The following DDX50 variants were observed in gnomAD, a reference collection of about 807,000 sequenced individuals.
The protein encoded by DDX50 is DExD-box helicase 50.
A neutral mutation model predicts 94.8 loss-of-function variants in DDX50; 56 were observed. The observed-to-expected ratio is 0.59, with a 90% confidence interval of 0.48 to 0.74. The LOEUF (loss-of-function observed/expected upper bound fraction) is 0.74. Ranked by LOEUF, DDX50 falls within the 30% of genes least tolerant of loss-of-function variation. The probability of loss-of-function intolerance (pLI) is 0.00; values close to 1 mark genes in which losing one functional copy is unlikely to be tolerated. For missense variants in DDX50, 713 were observed against 881.2 expected, an observed-to-expected ratio of 0.81 and a Z score of 2.42; for synonymous variants, 264 against 295.4, an observed-to-expected ratio of 0.89 and a Z score of 1.09.
At chr10:68,929,725 C>CTTTTTTT (rs35522934) in intron 8 of DDX50, among the ~76,000 whole-genome samples, 1 of 127,268 alleles carries the variant, frequency 7.9e-6, no homozygotes. Context: ...CGCCTGGCCT[C>CTTTTTTT]TTTTTTTTTT....
intron 8 of DDX50, among the ~76,000 whole-genome samples, chr10:68,929,288 CCTTCCTCTCTCTCTCT>C (rs1399503822): frequency 5.1e-5 from 4 of 78,588 alleles, no homozygotes; most frequent in African/African-American, 1.7e-4. Flanking sequence ...TTCCTTCCTT[CCTTCCTCTCTCTCTCT>C]CTCTCTCTCT....
At chr10:68,930,973 C>T (rs1433732465) in intron 8 of DDX50, among the ~76,000 whole-genome samples, 1 of 152,038 alleles carries the variant, frequency 6.6e-6, no homozygotes, top group Non-Finnish European at 1.5e-5. Context: ...TGTAGTCTAC[C>T]TTGCCTAGCA....
At chr10:68,921,495 T>G (rs1310432835) in intron 8 of DDX50, among the ~76,000 whole-genome samples, 1 of 135,704 alleles carries the variant, frequency 7.4e-6, no homozygotes, top group Non-Finnish European at 1.5e-5. Context: ...TATTCAGGTT[T>G]GTTTGTTTGT....
In DDX50 at chr10:68,907,030, A is replaced by G. The variant is rs367757202; in HGVS notation, c.384+23A>G. 1.0e-5 allele frequency: 16 copies of G among 1,564,178 alleles called. No homozygotes were observed. The African/African-American group carries it at 1.3e-4, about 12-fold the overall frequency. On this transcript the variant is annotated intron_variant, in intron 2 of 14. Transcript: ENST00000373585. Reference sequence around the variant, plus strand: ...GAGGTATGGAAGCTTTTTATTTTGCATTTGACATTGTTGTTGAACTATAGG... The same window carrying G: ...GAGGTATGGAAGCTTTTTATTTTGCGTTTGACATTGTTGTTGAACTATAGG...
chr10:68,936,921 A>C lies in DDX50; in HGVS notation c.1596-15A>C. 6.4e-7 allele frequency: 1 copy of C among 1,574,134 alleles called. No individual in the cohort carries two copies. Among genetic ancestry groups the C allele is most frequent in the African/African-American group, 1.4e-5 (1 of 73,218 alleles). ...TCCCTATGTCTTGACCAAGAATACT[A>C]TTTTTAAACCATAGGTCTCTGGCTT... On this transcript the variant is annotated splice_polypyrimidine_tract_variant and intron_variant, in intron 11 of 14. Transcript: ENST00000373585.
chr10:68,918,755 C>T (rs990548341), intron 7 of DDX50, among the ~76,000 whole-genome samples: 1 of 152,160 alleles, frequency 6.6e-6, no homozygotes, highest in Admixed American at 6.5e-5. Flanking sequence ...TATCCGCTGT[C>T]AACCACTAGT....
chr10:68,940,912 TG>T (rs1441076783), intron 12 of DDX50, 147 bp from the exon 13 acceptor site: 1 of 842,922 alleles, frequency 1.2e-6, no homozygotes, highest in Non-Finnish European at 1.8e-6. Context: ...CTTCTAATAA[TG>T]TAGTTTCAAA....
intron 4 of DDX50, among the ~76,000 whole-genome samples, chr10:68,912,381 A>AT: frequency 6.6e-6 from 1 of 152,022 alleles, no homozygotes; most frequent in South Asian, 2.1e-4. Flanking sequence ...CACTTGGCTA[A>AT]TTTTTTATTT....
chr10:68,926,721 CTAAA>C (rs1264004833), intron 8 of DDX50, among the ~76,000 whole-genome samples: 1 of 151,354 alleles, frequency 6.6e-6, no homozygotes, highest in African/African-American at 2.4e-5. Flanking sequence ...AACCCACTCT[CTAAA>C]TGAATGAATG....
rs201101731 is a variant in DDX50, at chr10:68,932,370, C to T, written c.1240-1829C>T. On this transcript the variant is annotated intron_variant, in intron 8 of 14. Transcript: ENST00000373585. ...TACCTCCTGGGTTCAAATGATTCTC[C>T]TGCCTTAACCTCTCGAGTAGCTGGG... is the stretch of plus-strand genomic sequence containing the variant. 2.4e-4 allele frequency among the ~76,000 whole-genome samples: 37 copies of T among 152,330 alleles called. No homozygotes were observed. In the East Asian group the frequency reaches 7.0e-3, roughly 29 times the overall value.
Position 68,936,937 on chromosome 10 carries a change from T to A in DDX50, c.1597T>A (p.Ser533Thr). ...VKSKSMDAIR[S>T]LASVSYAAVD... ...AAGAATACTATTTTTAAACCATAGG[T>A]CTCTGGCTTCCGTTTCTTACGCTGC... The change falls in exon 12 of 15, where the codon TCT becomes ACT. Residue 533 changes from serine to threonine, a missense_variant and splice_region_variant. Ser to Thr is a moderately conservative substitution (Grantham distance 58, BLOSUM62 1). Transcript: ENST00000373585. 1 of 1,601,466 alleles carries A rather than the reference T, an allele frequency of 6.2e-7. No individual in the cohort carries two copies. The highest frequency in any genetic ancestry group is 2.2e-5 in the East Asian group (1 of 44,626).
chr10:68,901,588 C>T, intron 1 of DDX50, 117 bp downstream of exon 1: 1 of 1,096,640 alleles, frequency 9.1e-7, no homozygotes, highest in South Asian at 1.7e-5. Flanking sequence ...GAGGGCCTCC[C>T]TTCGCGCCGC....
intron 12 of DDX50, among the ~76,000 whole-genome samples, chr10:68,937,717 C>T (rs1178154995): frequency 6.6e-6 from 1 of 151,562 alleles, no homozygotes; most frequent in African/African-American, 2.4e-5. Flanking sequence ...TCCTGAGTAG[C>T]TGGGACTACA....
At chr10:68,905,989 A>G (rs187128913) in intron 1 of DDX50, among the ~76,000 whole-genome samples, 1 of 152,194 alleles carries the variant, frequency 6.6e-6, no homozygotes, top group Non-Finnish European at 1.5e-5. Flanking sequence ...CCTTGGAACT[A>G]GTTGTATTTT....
chr10:68,937,943 A>G (rs1007032337), intron 12 of DDX50, among the ~76,000 whole-genome samples: 1 of 152,188 alleles, frequency 6.6e-6, no homozygotes, highest in Non-Finnish European at 1.5e-5. Flanking sequence ...ATCATCCCTA[A>G]ATATTTCAAC....
At chr10:68,921,779 C>T (rs73268353) in intron 8 of DDX50, among the ~76,000 whole-genome samples, 9,086 of 152,152 alleles carry the variant, frequency 0.06, 883 homozygotes, top group African/African-American at 0.2. Flanking sequence ...TTCACATTTT[C>T]TTTCCTTCAT....
chr10:68,938,744 C>T (rs1046497656), intron 12 of DDX50, among the ~76,000 whole-genome samples: 48 of 152,242 alleles, frequency 3.2e-4, no homozygotes, highest in African/African-American at 1.1e-3. Flanking sequence ...GGCTCCATTC[C>T]GTTTATCCAT....
At position 68,937,504 on chromosome 10, in the gene DDX50, G is replaced by A. The variant is rs112412485; in HGVS notation, c.1755+409G>A. Reference sequence around the variant, plus strand: ...TAGGTATCAGATCAGGATCATTAGCGTATCCATCGTCTAAACATTTATCAT... The same window carrying A: ...TAGGTATCAGATCAGGATCATTAGCATATCCATCGTCTAAACATTTATCAT... On this transcript the variant is annotated intron_variant, in intron 12 of 14. Transcript: ENST00000373585. Among the ~76,000 whole-genome samples the A allele has an allele frequency of 2.6e-3, 389 of 151,574 alleles. 1 individual carries two copies. Among genetic ancestry groups the A allele is most frequent in the African/African-American group, 8.5e-3 (350 of 41,310 alleles).
chr10:68,910,965 C>A, intron 3 of DDX50, 103 bp from the exon 4 acceptor site: 2 of 944,514 alleles, frequency 2.1e-6, no homozygotes, highest in South Asian at 3.1e-5. Flanking sequence ...GGTGGCATGT[C>A]TTTAGGCAGA....
Sources: allele counts gnomAD v4.1 joint callset (sites outside exome capture counted in the v4.1 genomes callset), GRCh38; gene constraint gnomAD v4.1.1; transcripts MANE v1.5; gene names NCBI Gene and HGNC (gene_info 2026-07-23, HGNC 2026-07-21).